Variants in SUGCT observed in about 807,000 individuals in gnomAD.
SUGCT encodes the protein succinyl-CoA:glutarate CoA-transferase.
A neutral mutation model predicts 55.0 loss-of-function variants in SUGCT; 41 were observed. The observed-to-expected ratio is 0.74, with a 90% CI of 0.58 to 0.97. The LOEUF is 0.97. Ranked by LOEUF, SUGCT falls within the 50% of genes least tolerant of loss-of-function variation. SUGCT has a pLI of 0.00. For synonymous variants in SUGCT, 187 were observed against 200.4 expected, an observed-to-expected ratio of 0.93 and a Z score of 0.56; for missense variants, 568 against 547.8, an observed-to-expected ratio of 1.04 and a Z score of -0.37.
At position 40,749,494 on chromosome 7, in the gene SUGCT, C is replaced by A; in HGVS notation, c.1150C>A (p.Pro384Thr). The stretch of plus-strand genomic sequence containing the variant: ...TCCAACTGTGGGGAAGATTTCCGTC[C>A]CAGGTCTGAAAAGTTTTGGTATTTT... ...EHPTVGKISVPGPAVRYSKFK... is the reference protein window; with the variant it reads ...EHPTVGKISVTGPAVRYSKFK... The change falls in exon 13 of 14, where the codon CCA (proline) becomes ACA (threonine). Residue 384 changes from proline (P) to threonine (T), a missense_variant. Physicochemically the swap from Pro to Thr is conservative, Grantham distance 38. Coordinates refer to ENST00000335693, the MANE Select transcript of SUGCT (RefSeq NM_001193313.2). 1 of 1,613,162 alleles carries A rather than the reference C, an allele frequency of 6.2e-7. No individual in the cohort carries two copies. The highest frequency in any genetic ancestry group is 8.5e-7 in the Non-Finnish European group (1 of 1,179,212).
At chr7:40,578,309 T>A (rs1475123079) in intron 12 of SUGCT, among the ~76,000 whole-genome samples, 1 of 152,172 alleles carries the variant, frequency 6.6e-6, no homozygotes, top group African/African-American at 2.4e-5. Context: ...TCTAACACAC[T>A]TGGCAGTACA....
intron 9 of SUGCT, among the ~76,000 whole-genome samples, chr7:40,323,036 G>A (rs1278921275): frequency 6.6e-6 from 1 of 150,934 alleles, no homozygotes; most frequent in African/African-American, 2.4e-5. Context: ...ATACCCATTT[G>A]CCTCAATTAC....
At chr7:40,533,445 C>T (rs1054919862) in intron 12 of SUGCT, among the ~76,000 whole-genome samples, 7 of 151,684 alleles carry the variant, frequency 4.6e-5, no homozygotes, top group African/African-American at 7.3e-5. Context: ...TATATAAATC[C>T]AAAATCTTGT....
chr7:40,941,713 G>T, the SUGCT span, among the ~76,000 whole-genome samples: 1 of 151,996 alleles, frequency 6.6e-6, no homozygotes. Flanking sequence ...ACTTTGCTTA[G>T]GTCTAGTAAT....
the SUGCT span, among the ~76,000 whole-genome samples, chr7:40,900,559 A>G: frequency 2.0e-5 from 3 of 152,302 alleles, no homozygotes; most frequent in South Asian, 4.1e-4. Flanking sequence ...GGCCCAAACA[A>G]TAGTACTTGT....
intron 12 of SUGCT, among the ~76,000 whole-genome samples, chr7:40,525,999 A>G (rs1017209557): frequency 1.3e-5 from 2 of 152,174 alleles, no homozygotes. Context: ...CCAGCTCCCA[A>G]GAATGGAACT....
At chr7:40,840,873 T>TAAAAATAGAGAAGACATAAA (rs1346310639) in intron 13 of SUGCT, among the ~76,000 whole-genome samples, 1 of 63,584 alleles carries the variant, frequency 1.6e-5, no homozygotes, top group Non-Finnish European at 3.0e-5. Context: ...GCTAAGTCTC[T>TAAAAATAGAGAAGACATAAA]TTAAAACACA....
chr7:40,980,774 A>G, the SUGCT span, among the ~76,000 whole-genome samples: 1 of 152,070 alleles, frequency 6.6e-6, no homozygotes, highest in Non-Finnish European at 1.5e-5. Context: ...TCAGCTCACT[A>G]CAACTTCTGC....
intron 1 of SUGCT, chr7:40,153,991 C>G (rs868066868): frequency 5.2e-5 from 14 of 268,818 alleles, no homozygotes; most frequent in South Asian, 2.1e-4. Context: ...ACTCAGGACG[C>G]GAAATGCTTT....
intron 12 of SUGCT, among the ~76,000 whole-genome samples, chr7:40,557,772 AAAAAAAAAAAAAAAG>A (rs371691833): frequency 2.8e-4 from 27 of 97,410 alleles, no homozygotes; most frequent in African/African-American, 1.8e-3. Context: ...GACTCTGTCT[AAAAAAAAAAAAAAAG>A]AAAAAAGAAA....
At chr7:40,981,153 G>T in the SUGCT span, among the ~76,000 whole-genome samples, 3 of 152,128 alleles carry the variant, frequency 2.0e-5, no homozygotes, top group African/African-American at 7.2e-5. Flanking sequence ...TGAAACTTAC[G>T]TGGAGGCAGC....
chr7:40,897,905 T>C, the SUGCT span, among the ~76,000 whole-genome samples: 3 of 116,280 alleles, frequency 2.6e-5, no homozygotes, highest in African/African-American at 7.7e-5. Flanking sequence ...ACCAATCAGC[T>C]CTCTGTAAAA....
At chr7:40,157,316 G>GCCTT (rs1209303713) in intron 1 of SUGCT, among the ~76,000 whole-genome samples, 1 of 152,144 alleles carries the variant, frequency 6.6e-6, no homozygotes, top group Non-Finnish European at 1.5e-5. Flanking sequence ...TCAGGCGAAG[G>GCCTT]CGGCAGCTGG....
chr7:40,780,946 C>A (rs1209859791), intron 13 of SUGCT, among the ~76,000 whole-genome samples: 1 of 152,080 alleles, frequency 6.6e-6, no homozygotes. Context: ...TTTCCAATGA[C>A]AAAGTTTACC....
At chr7:40,675,768 G>T (rs906903168) in intron 12 of SUGCT, among the ~76,000 whole-genome samples, 2 of 152,160 alleles carry the variant, frequency 1.3e-5, no homozygotes, top group Non-Finnish European at 2.9e-5. Flanking sequence ...GTAAGAGTTC[G>T]GAGACAGAGG....
chr7:40,462,871 G>A (rs2151453340), intron 11 of SUGCT, among the ~76,000 whole-genome samples: 2 of 152,150 alleles, frequency 1.3e-5, no homozygotes, highest in South Asian at 4.2e-4. Flanking sequence ...TAAGAAGTTA[G>A]TTTTCCATAT....
intron 6 of SUGCT, among the ~76,000 whole-genome samples, 170 bp downstream of exon 6, chr7:40,195,230 T>G (rs1330014127): frequency 6.7e-6 from 1 of 148,614 alleles, no homozygotes; most frequent in Non-Finnish European, 1.5e-5. Flanking sequence ...TTCTTTTTTT[T>G]TTTTTTTTTT....
chr7:40,578,979 A>G (rs959920823), intron 12 of SUGCT, among the ~76,000 whole-genome samples: 7 of 152,200 alleles, frequency 4.6e-5, no homozygotes, highest in Admixed American at 1.3e-4. Flanking sequence ...TAAGCACCCA[A>G]TAAATGTTAA....
chr7:40,246,887 C>T (rs1239085363), intron 7 of SUGCT, among the ~76,000 whole-genome samples: 1 of 152,102 alleles, frequency 6.6e-6, no homozygotes, highest in Non-Finnish European at 1.5e-5. Flanking sequence ...ACGTGAGCCA[C>T]CATGCTTGGA....
Sources: gnomAD v4.1 joint callset for allele counts (sites outside exome capture counted in the v4.1 genomes callset) on GRCh38, gnomAD v4.1.1 for gene constraint, MANE v1.5 for transcripts, NCBI Gene and HGNC (gene_info 2026-07-23, HGNC 2026-07-21) for gene names.